Variants in MAGI2 observed in about 807,000 individuals in gnomAD.
The protein encoded by MAGI2 is membrane associated guanylate kinase, WW and PDZ domain containing 2.
A neutral mutation model predicts 133.3 loss-of-function variants in MAGI2; 35 were observed. The ratio of observed to expected loss-of-function variants is 0.26; its 90% CI spans 0.20 to 0.35. MAGI2 has a LOEUF of 0.35. Among genes scored for constraint, MAGI2 ranks in the 10% least tolerant of loss-of-function variants. The pLI is 1.00. For missense variants in MAGI2, 1,636 were observed against 1,863.4 expected (o/e 0.88, Z 2.25); for synonymous variants, 729 against 710.6 (o/e 1.03, Z -0.41).
In MAGI2 at chr7:79,336,564, T is replaced by C. The variant is rs192619141; in HGVS notation, c.301+116456A>G. Among the ~76,000 whole-genome samples, 653 of 152,240 alleles carry C rather than the reference T, an allele frequency of 4.3e-3. 4 individuals carry two copies. Among genetic ancestry groups the C allele is most frequent in the Non-Finnish European group, 7.5e-3 (507 of 67,980 alleles). ...AATGTACGTATTGATAAAATCAGGA[T>C]AGAGGAAATTCAAATAGTGTGTGTG... On this transcript the variant is annotated intron_variant, in intron 1 of 21. Coordinates refer to ENST00000354212, the MANE Select transcript of MAGI2 (RefSeq NM_012301.4).
intron 1 of MAGI2, among the ~76,000 whole-genome samples, chr7:79,143,700 T>G (rs1029479429): frequency 1.3e-5 from 2 of 152,200 alleles, no homozygotes; most frequent in Non-Finnish European, 2.9e-5. Flanking sequence ...AATGTGAGCT[T>G]CTATTTTTCA....
intron 1 of MAGI2, among the ~76,000 whole-genome samples, chr7:79,237,299 C>T (rs1832007557): frequency 6.6e-6 from 1 of 152,166 alleles, no homozygotes; most frequent in Admixed American, 6.5e-5. Flanking sequence ...TCAAGACCAT[C>T]CTGGCTAACA....
chr7:78,118,038 T>G (rs925262408), intron 20 of MAGI2, among the ~76,000 whole-genome samples: 1 of 151,972 alleles, frequency 6.6e-6, no homozygotes, highest in South Asian at 2.1e-4. Context: ...TAGACAGAAA[T>G]AGACCTGCAT....
chr7:79,363,730 A>G (rs1292616476), intron 1 of MAGI2, among the ~76,000 whole-genome samples: 1 of 151,602 alleles, frequency 6.6e-6, no homozygotes, highest in East Asian at 1.9e-4. Context: ...TCAAACTAAA[A>G]AGCTTCTGCA....
intron 2 of MAGI2, among the ~76,000 whole-genome samples, chr7:78,673,250 A>G (rs2151077077): frequency 6.6e-6 from 1 of 152,216 alleles, no homozygotes; most frequent in South Asian, 2.1e-4. Flanking sequence ...CTCCAGAGAA[A>G]TAGAACCAAT....
chr7:78,616,040 T>A (rs531818542), intron 3 of MAGI2: 135 of 152,324 alleles, frequency 8.9e-4, no homozygotes, highest in African/African-American at 3.1e-3. Flanking sequence ...AATAAAGGAA[T>A]AATAAACAAA....
intron 6 of MAGI2, among the ~76,000 whole-genome samples, chr7:78,440,997 G>A (rs949267628): frequency 2.0e-5 from 3 of 152,114 alleles, no homozygotes; most frequent in African/African-American, 4.8e-5. Flanking sequence ...AAGCGGAAAT[G>A]TCCAGTAGGC....
chr7:79,349,363 T>C (rs1192074139), intron 1 of MAGI2, among the ~76,000 whole-genome samples: 1 of 152,006 alleles, frequency 6.6e-6, no homozygotes, highest in African/African-American at 2.4e-5. Flanking sequence ...ATTTCTATCT[T>C]GCTTTGTAAC....
At chr7:79,094,725 A>G (rs1003723128) in intron 1 of MAGI2, among the ~76,000 whole-genome samples, 1 of 152,216 alleles carries the variant, frequency 6.6e-6, no homozygotes, top group African/African-American at 2.4e-5. Context: ...CATCTCTACA[A>G]GAGGTTTTGG....
At position 78,119,844 on chromosome 7, in the gene MAGI2, C is replaced by A. The variant is rs932859611; in HGVS notation, c.3567+5850G>T. Among the ~76,000 whole-genome samples, 5 of 152,204 alleles carry A rather than the reference C, an allele frequency of 3.3e-5. No individual in the cohort carries two copies. The South Asian group carries it at 1.0e-3, about 32-fold the overall frequency. ...TAAAAATAGTAAAAGCATATATTCA[C>A]TCAACACATGTATTTGTGTAAAGAT... On this transcript the variant is annotated intron_variant, in intron 20 of 21. Coordinates refer to ENST00000354212, the MANE Select transcript of MAGI2 (RefSeq NM_012301.4).
At chr7:78,680,228 A>C (rs140946047) in intron 2 of MAGI2, among the ~76,000 whole-genome samples, 2 of 152,282 alleles carry the variant, frequency 1.3e-5, no homozygotes, top group African/African-American at 4.8e-5. Flanking sequence ...AAGAACCATT[A>C]ACATGGATTA....
chr7:78,633,538 T>C (rs893393056), intron 2 of MAGI2, among the ~76,000 whole-genome samples: 43 of 152,098 alleles, frequency 2.8e-4, no homozygotes, highest in African/African-American at 9.2e-4. Flanking sequence ...ACCCCGTCTC[T>C]ACTAAAAATA....
intron 2 of MAGI2, among the ~76,000 whole-genome samples, chr7:78,635,337 T>C (rs1425234761): frequency 2.0e-5 from 3 of 152,222 alleles, no homozygotes; most frequent in African/African-American, 7.2e-5. Context: ...TTCTAAAGCG[T>C]ATTTCCCCTC....
At chr7:78,387,462 G>A (rs1472241966) in intron 6 of MAGI2, among the ~76,000 whole-genome samples, 2 of 152,106 alleles carry the variant, frequency 1.3e-5, no homozygotes, top group Non-Finnish European at 2.9e-5. Flanking sequence ...ACCAATTGGG[G>A]AAAAGCCTGA....
intron 2 of MAGI2, among the ~76,000 whole-genome samples, chr7:78,731,446 CA>C (rs1227053072): frequency 1.3e-5 from 2 of 152,044 alleles, no homozygotes; most frequent in East Asian, 3.9e-4. Flanking sequence ...CATTCATTAC[CA>C]GACATTTGAA....
chr7:78,685,471 T>G (rs1816182394), intron 2 of MAGI2, among the ~76,000 whole-genome samples: 1 of 149,558 alleles, frequency 6.7e-6, no homozygotes, highest in Admixed American at 6.8e-5. Context: ...TTGTCGTTTT[T>G]TTTTTTTTTA....
At chr7:79,358,125 C>G (rs973622974) in intron 1 of MAGI2, among the ~76,000 whole-genome samples, 1 of 151,964 alleles carries the variant, frequency 6.6e-6, no homozygotes, top group Non-Finnish European at 1.5e-5. Context: ...AAGAACCTTT[C>G]TCTATGAAAA....
At chr7:78,587,844 T>G (rs146501832) in intron 3 of MAGI2, among the ~76,000 whole-genome samples, 6 of 152,364 alleles carry the variant, frequency 3.9e-5, no homozygotes, top group Admixed American at 3.9e-4. Flanking sequence ...TCAGAATTTA[T>G]AATCGTATGT....
intron 1 of MAGI2, among the ~76,000 whole-genome samples, chr7:79,168,935 A>ATATATATAT (rs1554393067): frequency 2.5e-5 from 3 of 117,872 alleles, no homozygotes; most frequent in Admixed American, 1.8e-4. Flanking sequence ...TATATATATA[A>ATATATATAT]ATTTTTTTTC....
Sources: allele counts gnomAD v4.1 joint callset (sites outside exome capture counted in the v4.1 genomes callset), GRCh38; gene constraint gnomAD v4.1.1; transcripts MANE v1.5; gene names NCBI Gene and HGNC (gene_info 2026-07-23, HGNC 2026-07-21).